Variants in DNAH8 observed in about 807,000 individuals in gnomAD.
DNAH8 encodes the protein dynein axonemal heavy chain 8, also known as axonemal beta dynein heavy chain 8.
DNAH8 carries 382 observed loss-of-function variants against 562.1 expected under a neutral mutation model. The observed-to-expected ratio is 0.68, with a 90% CI of 0.63 to 0.74. The LOEUF (loss-of-function observed/expected upper bound fraction) is 0.74, where lower values mean the gene tolerates loss of function less well. Ranked by LOEUF, DNAH8 falls within the 30% of genes least tolerant of loss-of-function variation. The pLI is 0.00. For synonymous variants in DNAH8, 1,881 were observed against 1,919.4 expected (o/e 0.98, Z 0.52); for missense variants, 5,203 against 5,620.4 (o/e 0.93, Z 2.37).
chr6:38,904,785 T>A (rs1326658193), intron 62 of DNAH8, among the ~76,000 whole-genome samples: 31 of 85,388 alleles, frequency 3.6e-4, no homozygotes, highest in Admixed American at 4.7e-4. Flanking sequence ...AGAGTGAAAC[T>A]CCGTCTCAAA....
At position 39,030,107 on chromosome 6, in the gene DNAH8, A is replaced by G. The variant is rs1237241758; in HGVS notation, c.13839A>G (p.Glu4613=). 6.2e-7 allele frequency: 1 copy of G among 1,610,182 alleles called. No individual in the cohort carries two copies. Among genetic ancestry groups the G allele is most frequent in the Admixed American group, 1.7e-5 (1 of 59,822 alleles). ...TKEEITSPPG[E]GVYIYGLYMD... ...TACCTTATGCTTGACTCTTCCAGGA[A>G]GGTGTGTATATTTATGGGCTCTACA... is the stretch of plus-strand genomic sequence containing the variant. Residue 4613 remains glutamate (E), a splice_region_variant and synonymous_variant, in exon 93 of 93, where the codon GAA becomes GAG. Transcript: ENST00000327475.
chr6:39,018,859 A>G (rs1026789632), intron 91 of DNAH8, among the ~76,000 whole-genome samples: 8 of 152,172 alleles, frequency 5.3e-5, no homozygotes, highest in South Asian at 2.1e-4. Context: ...GGATTTTTCA[A>G]CAAGAAGACT....
At chr6:38,819,300 C>T (rs1772599181) in intron 26 of DNAH8, among the ~76,000 whole-genome samples, 1 of 152,066 alleles carries the variant, frequency 6.6e-6, no homozygotes, top group African/African-American at 2.4e-5. Flanking sequence ...TAATGGTTGC[C>T]TCTGGGGGTA....
chr6:38,761,493 A>G (rs1348813497), intron 10 of DNAH8, among the ~76,000 whole-genome samples: 1 of 151,550 alleles, frequency 6.6e-6, no homozygotes, highest in African/African-American at 2.4e-5. Context: ...ACAGGGTCTC[A>G]TTCTGTTTCC....
At chr6:38,827,078 T>C (rs1583114129) in intron 29 of DNAH8, among the ~76,000 whole-genome samples, 1 of 152,316 alleles carries the variant, frequency 6.6e-6, no homozygotes, top group Non-Finnish European at 1.5e-5. Flanking sequence ...TTCTAGGGGC[T>C]GCCCACGTGT....
intron 53 of DNAH8, among the ~76,000 whole-genome samples, chr6:38,879,871 A>C (rs1415558494): frequency 6.6e-6 from 1 of 152,246 alleles, no homozygotes; most frequent in African/African-American, 2.4e-5. Context: ...AGGGCCATAC[A>C]TTTGATAAGT....
intron 81 of DNAH8, among the ~76,000 whole-genome samples, chr6:38,951,045 T>TAGGG (rs1359382332): frequency 6.6e-6 from 1 of 152,172 alleles, no homozygotes; most frequent in African/African-American, 2.4e-5. Flanking sequence ...GTGTGGCAGG[T>TAGGG]CAGCCCCTAC....
At chr6:38,798,626 T>G (rs113406055) in intron 21 of DNAH8, among the ~76,000 whole-genome samples, 25 of 152,320 alleles carry the variant, frequency 1.6e-4, no homozygotes, top group Non-Finnish European at 3.1e-4. Flanking sequence ...CAGTGGAATG[T>G]GTATGTCTAA....
At chr6:39,011,601 A>C (rs12202878) in intron 89 of DNAH8, among the ~76,000 whole-genome samples, 16,625 of 152,220 alleles carry the variant, frequency 0.11, 1,098 homozygotes, top group Admixed American at 0.2. Flanking sequence ...TTTTGTATTG[A>C]TCTCTTCAAA....
chr6:38,715,498 C>T (rs1050617091), intron 1 of DNAH8, 83 bp downstream of exon 1: 1 of 152,364 alleles, frequency 6.6e-6, no homozygotes, highest in Non-Finnish European at 1.5e-5. Context: ...CGCCCACTTT[C>T]CTTCTTTTTA....
chr6:38,906,025 C>A (rs180917701), intron 62 of DNAH8, among the ~76,000 whole-genome samples: 105 of 152,138 alleles, frequency 6.9e-4, no homozygotes, highest in Non-Finnish European at 1.2e-3. Context: ...CCTGCCTCAG[C>A]CTCCCAAGTA....
chr6:38,973,733 A>G lies in DNAH8; in HGVS notation c.12598A>G (p.Thr4200Ala). ...GGAAGAATTACTAGAGACGCTAATT[A>G]CCACTGAAGCCAGTGATGATTCTTT... ...FMEELLETLITTEASDDSFRV... is the reference protein window; with the variant it reads ...FMEELLETLIATEASDDSFRV... Residue 4200 changes from threonine to alanine, a missense_variant, in exon 84 of 93, where the codon ACC (threonine) becomes GCC (alanine). Thr to Ala is a moderately conservative substitution (Grantham distance 58). Transcript: ENST00000327475. 4 of 1,610,916 alleles carry G rather than the reference A, an allele frequency of 2.5e-6. No individual in the cohort carries two copies. The highest frequency in any genetic ancestry group is 3.4e-6 in the Non-Finnish European group (4 of 1,178,738).
chr6:38,862,531 A>G (rs1776714559), intron 44 of DNAH8, 73 bp downstream of exon 44: 1 of 1,500,800 alleles, frequency 6.7e-7, no homozygotes, highest in Non-Finnish European at 9.0e-7. Context: ...TTTCTGATAT[A>G]AATCCAAAGT....
chr6:38,901,264 G>A (rs980976955), intron 62 of DNAH8, among the ~76,000 whole-genome samples: 2 of 151,630 alleles, frequency 1.3e-5, no homozygotes, highest in Non-Finnish European at 2.9e-5. Flanking sequence ...TTTACCCTAA[G>A]GGCACATAGA....
intron 22 of DNAH8, among the ~76,000 whole-genome samples, chr6:38,804,279 C>T (rs375571779): frequency 4.6e-5 from 7 of 152,150 alleles, no homozygotes; most frequent in African/African-American, 9.7e-5. Context: ...TTTAAGAACA[C>T]GGGACTTTTA....
chr6:38,997,270 T>C (rs1376505063), intron 88 of DNAH8, among the ~76,000 whole-genome samples: 1 of 152,214 alleles, frequency 6.6e-6, no homozygotes, highest in Admixed American at 6.5e-5. Flanking sequence ...CTTGCCTTCT[T>C]CAAGGACTTC....
chr6:38,928,208 G>A (rs1303700653), intron 74 of DNAH8: 1 of 152,160 alleles, frequency 6.6e-6, no homozygotes, highest in Non-Finnish European at 1.5e-5. Flanking sequence ...CTACCAAATA[G>A]TGTTTCACAA....
chr6:38,723,276 GA>G, intron 2 of DNAH8, 60 bp from the exon 3 acceptor site: 2 of 1,576,370 alleles, frequency 1.3e-6, no homozygotes, highest in Non-Finnish European at 1.7e-6. Context: ...TACAAAGTAT[GA>G]AACAGTTTGA....
chr6:38,915,956 C>T (rs1289922113), intron 68 of DNAH8, among the ~76,000 whole-genome samples: 1 of 152,104 alleles, frequency 6.6e-6, no homozygotes, highest in Non-Finnish European at 1.5e-5. Flanking sequence ...TGCTAATACA[C>T]ACACATATAA....
Sources: allele counts gnomAD v4.1 joint callset (sites outside exome capture counted in the v4.1 genomes callset), GRCh38; gene constraint gnomAD v4.1.1; transcripts MANE v1.5; gene names NCBI Gene and HGNC (gene_info 2026-07-23, HGNC 2026-07-21).